The following SGCZ variants were observed in gnomAD, a reference collection of about 807,000 sequenced individuals.
The protein encoded by SGCZ is zeta-sarcoglycan.
A neutral mutation model predicts 41.3 loss-of-function variants in SGCZ; 40 were observed. That is an observed-to-expected ratio of 0.97 (90% CI 0.75 to 1.26). SGCZ has a LOEUF of 1.26. SGCZ is among the 50% of genes most tolerant of loss of function. The pLI is 0.00. For missense variants in SGCZ, 552 were observed against 369.8 expected (o/e 1.49, Z -4.04); for synonymous variants, 206 against 137.5 (o/e 1.50, Z -3.49).
At chr8:14,946,100 C>G (rs185599589) in intron 1 of SGCZ, among the ~76,000 whole-genome samples, 6 of 137,086 alleles carry the variant, frequency 4.4e-5, no homozygotes, top group African/African-American at 1.4e-4. Context: ...GGGGCTATCT[C>G]TCTCAAGAAC....
chr8:15,112,399 C>T (rs1807103582), intron 1 of SGCZ, among the ~76,000 whole-genome samples: 1 of 152,216 alleles, frequency 6.6e-6, no homozygotes, highest in South Asian at 2.1e-4. Context: ...TATCCATTCT[C>T]CTGCTTCAGA....
intron 1 of SGCZ, among the ~76,000 whole-genome samples, chr8:14,710,410 T>C (rs1300049021): frequency 1.3e-5 from 2 of 151,544 alleles, no homozygotes; most frequent in Non-Finnish European, 2.9e-5. Flanking sequence ...TAATGGTTCT[T>C]ATTTTCAAAC....
At chr8:14,239,901 C>CAAAAAAAAAAAAAAAAAAAA (rs71209029) in intron 3 of SGCZ, among the ~76,000 whole-genome samples, 1 of 41,374 alleles carries the variant, frequency 2.4e-5, no homozygotes, top group Admixed American at 3.2e-4. Flanking sequence ...GACTCCGTCT[C>CAAAAAAAAAAAAAAAAAAAA]AAAAAAAAAA....
chr8:14,497,750 C>T (rs1375564229), intron 2 of SGCZ, among the ~76,000 whole-genome samples: 1 of 152,122 alleles, frequency 6.6e-6, no homozygotes, highest in South Asian at 2.1e-4. Flanking sequence ...TCTAATACCT[C>T]CCACTGGGTC....
At chr8:14,160,349 T>A (rs1804002306) in intron 5 of SGCZ, among the ~76,000 whole-genome samples, 1 of 152,256 alleles carries the variant, frequency 6.6e-6, no homozygotes, top group Admixed American at 6.5e-5. Flanking sequence ...GTTGATTGAT[T>A]CTGCCTGAAA....
chr8:14,272,264 G>A (rs1438822725), intron 3 of SGCZ, among the ~76,000 whole-genome samples: 8 of 152,038 alleles, frequency 5.3e-5, no homozygotes, highest in East Asian at 3.9e-4. Context: ...TTGGCCTCCC[G>A]AAGTGCTGGG....
intron 1 of SGCZ, among the ~76,000 whole-genome samples, chr8:15,075,481 G>C (rs1419573731): frequency 6.6e-6 from 1 of 152,082 alleles, no homozygotes. Context: ...TGGTGGCATA[G>C]AGCTAAAAGA....
chr8:14,359,476 T>C (rs572878612), intron 2 of SGCZ, among the ~76,000 whole-genome samples: 35 of 152,178 alleles, frequency 2.3e-4, no homozygotes, highest in African/African-American at 8.2e-4. Context: ...CCATACGTTA[T>C]GCCACAAAAC....
At chr8:14,850,648 G>A (rs564385213) in intron 1 of SGCZ, among the ~76,000 whole-genome samples, 2 of 152,258 alleles carry the variant, frequency 1.3e-5, no homozygotes, top group East Asian at 3.9e-4. Context: ...TGTATGACAT[G>A]GTTAGGCTTT....
At chr8:14,914,229 C>T (rs866619545) in intron 1 of SGCZ, among the ~76,000 whole-genome samples, 3 of 141,170 alleles carry the variant, frequency 2.1e-5, no homozygotes, top group Non-Finnish European at 3.0e-5. Context: ...AATATGTATG[C>T]GTATATATAT....
At chr8:14,546,571 C>T (rs1803635092) in intron 2 of SGCZ, among the ~76,000 whole-genome samples, 1 of 152,100 alleles carries the variant, frequency 6.6e-6, no homozygotes, top group Non-Finnish European at 1.5e-5. Flanking sequence ...ATACTTGGCA[C>T]TTACAGATCA....
rs146020744 is a variant in SGCZ, at chr8:14,595,608, T to A, written c.40-40682A>T. Among the ~76,000 whole-genome samples the A allele has an allele frequency of 2.6e-5, 4 of 152,294 alleles. No homozygotes were observed. The East Asian group carries it at 7.7e-4, about 29-fold the overall frequency. ...TGGCTAACCTTGAACTAATTCCCAG[T>A]TTGTTTTGCATCCTCATCTCCCTTC... On this transcript the variant is annotated intron_variant, in intron 1 of 7. Transcript: ENST00000382080.
chr8:14,224,280 G>A (rs4831558), intron 4 of SGCZ, among the ~76,000 whole-genome samples: 97,655 of 152,052 alleles, frequency 0.64, 31,796 homozygotes, highest in South Asian at 0.8. Flanking sequence ...AATAGGGGAT[G>A]GAAATACCAA....
chr8:14,703,585 G>A (rs891585258), intron 1 of SGCZ, among the ~76,000 whole-genome samples: 3 of 151,782 alleles, frequency 2.0e-5, no homozygotes, highest in Non-Finnish European at 4.4e-5. Context: ...AGTCTATTTG[G>A]TATATACTCT....
At chr8:14,504,053 A>G (rs558811813) in intron 2 of SGCZ, among the ~76,000 whole-genome samples, 16 of 152,100 alleles carry the variant, frequency 1.1e-4, no homozygotes, top group Admixed American at 2.0e-4. Flanking sequence ...AGTTATCATT[A>G]TTTTTCCAAA....
intron 1 of SGCZ, among the ~76,000 whole-genome samples, chr8:14,765,719 C>T (rs539011462): frequency 1.1e-4 from 17 of 152,234 alleles, no homozygotes; most frequent in Admixed American, 8.5e-4. Flanking sequence ...GCATGACAAA[C>T]GCTAACAGAA....
intron 1 of SGCZ, among the ~76,000 whole-genome samples, chr8:14,675,162 G>C (rs983771408): frequency 1.3e-5 from 2 of 151,246 alleles, no homozygotes. Flanking sequence ...GGATGGTCTC[G>C]ATCTCCTGAT....
intron 1 of SGCZ, among the ~76,000 whole-genome samples, chr8:14,943,280 A>G (rs1800336089): frequency 6.6e-6 from 1 of 152,216 alleles, no homozygotes; most frequent in Admixed American, 6.5e-5. Flanking sequence ...AAATAACAAC[A>G]TAATTATTTT....
At chr8:14,257,962 C>CA (rs1192850056) in intron 3 of SGCZ, among the ~76,000 whole-genome samples, 10 of 152,010 alleles carry the variant, frequency 6.6e-5, no homozygotes, top group African/African-American at 2.4e-4. Flanking sequence ...AATAAATGAA[C>CA]AATTTGCTGC....
Sources: allele counts gnomAD v4.1 joint callset (sites outside exome capture counted in the v4.1 genomes callset), GRCh38; gene constraint gnomAD v4.1.1; transcripts MANE v1.5; gene names NCBI Gene and HGNC (gene_info 2026-07-23, HGNC 2026-07-21).